Variants in DCC observed in about 807,000 individuals in gnomAD.
DCC encodes the protein DCC netrin 1 receptor, also known as netrin receptor DCC.
In DCC, 58 loss-of-function variants were observed where a neutral mutation model predicts 172.5. The ratio of observed to expected loss-of-function variants is 0.34; its 90% CI spans 0.27 to 0.42. The LOEUF (loss-of-function observed/expected upper bound fraction) is 0.42. Among genes scored for constraint, DCC ranks in the 10% least tolerant of loss-of-function variants. DCC has a pLI of 1.00. For missense variants in DCC, 1,740 were observed against 1,791.0 expected, an observed-to-expected ratio of 0.97 and a Z score of 0.51; for synonymous variants, 709 against 644.5, an observed-to-expected ratio of 1.10 and a Z score of -1.52.
intron 1 of DCC, among the ~76,000 whole-genome samples, chr18:52,607,314 G>A (rs894470783): frequency 2.0e-5 from 3 of 152,048 alleles, no homozygotes; most frequent in African/African-American, 7.2e-5. Context: ...ACTTGCAAAG[G>A]GATGAACATG....
intron 8 of DCC, among the ~76,000 whole-genome samples, chr18:53,173,911 T>C (rs1387398810): frequency 3.6e-5 from 4 of 112,444 alleles, no homozygotes; most frequent in African/African-American, 1.1e-4. Context: ...TATTCCAAAA[T>C]TGACCACATA....
chr18:52,971,669 C>T (rs2041033199), intron 5 of DCC, among the ~76,000 whole-genome samples: 1 of 152,080 alleles, frequency 6.6e-6, no homozygotes, highest in South Asian at 2.1e-4. Flanking sequence ...GTTAATTCTT[C>T]TACCTCTACC....
At chr18:52,924,121 C>T (rs1293115416) in intron 4 of DCC, among the ~76,000 whole-genome samples, 4 of 151,928 alleles carry the variant, frequency 2.6e-5, no homozygotes, top group Non-Finnish European at 5.9e-5. Context: ...ATGGTCCTGT[C>T]CAAAGAGTCT....
intron 1 of DCC, among the ~76,000 whole-genome samples, chr18:52,446,607 G>A (rs1988131705): frequency 6.6e-6 from 1 of 152,188 alleles, no homozygotes; most frequent in Non-Finnish European, 1.5e-5. Flanking sequence ...TGACATTACA[G>A]TCTACTTTGT....
In DCC at chr18:53,024,482, T is replaced by C. The variant is rs577765062; in HGVS notation, c.986-38823T>C. 3.9e-5 allele frequency among the ~76,000 whole-genome samples: 6 copies of C among 152,246 alleles called. No individual in the cohort carries two copies. In the East Asian group the frequency reaches 9.7e-4, roughly 25 times the overall value. On this transcript the variant is annotated intron_variant, in intron 5 of 28. Transcript: ENST00000442544. ...AACAGTATTCAAATGCTTTTTACTC[T>C]CATTAGCTGAGGGAAACTTCCCATG... is the stretch of plus-strand genomic sequence containing the variant.
intron 5 of DCC, among the ~76,000 whole-genome samples, chr18:52,947,163 T>C (rs1392308957): frequency 6.6e-6 from 1 of 152,128 alleles, no homozygotes; most frequent in Non-Finnish European, 1.5e-5. Context: ...TTTCTGGGAG[T>C]TTTATTAATA....
intron 5 of DCC, among the ~76,000 whole-genome samples, chr18:53,034,740 C>T (rs551072673): frequency 6.6e-6 from 1 of 151,636 alleles, no homozygotes; most frequent in Non-Finnish European, 1.5e-5. Flanking sequence ...GAATAGAGGC[C>T]AAAGCTCTGG....
intron 5 of DCC, among the ~76,000 whole-genome samples, chr18:52,955,931 T>C (rs2040735322): frequency 6.6e-6 from 1 of 152,092 alleles, no homozygotes; most frequent in South Asian, 2.1e-4. Flanking sequence ...TGTTGAGTTT[T>C]TAAAAGCTTT....
intron 6 of DCC, among the ~76,000 whole-genome samples, chr18:53,064,043 C>T (rs1436299704): frequency 6.6e-6 from 1 of 152,116 alleles, no homozygotes; most frequent in Non-Finnish European, 1.5e-5. Flanking sequence ...CCAGAGTACA[C>T]ATTGCTTTGT....
chr18:53,085,938 A>T (rs1386775676), intron 7 of DCC, among the ~76,000 whole-genome samples: 3 of 148,682 alleles, frequency 2.0e-5, no homozygotes, highest in African/African-American at 7.5e-5. Context: ...CTGTCATTTC[A>T]GCTTTGGTGG....
chr18:53,190,163 T>C (rs1402570375), intron 9 of DCC, among the ~76,000 whole-genome samples: 1 of 152,122 alleles, frequency 6.6e-6, no homozygotes, highest in African/African-American at 2.4e-5. Context: ...CGTCCTCAGG[T>C]GATCCACCCA....
chr18:52,788,411 C>T (rs534316329), intron 2 of DCC, among the ~76,000 whole-genome samples: 7 of 152,240 alleles, frequency 4.6e-5, no homozygotes, highest in African/African-American at 1.7e-4. Context: ...TGTCCCAGGC[C>T]TTACCTATCT....
chr18:52,813,492 A>G (rs948846473), intron 2 of DCC, among the ~76,000 whole-genome samples: 2 of 152,222 alleles, frequency 1.3e-5, no homozygotes, highest in African/African-American at 4.8e-5. Context: ...ATTCCACAGT[A>G]TCACATGGTA....
At chr18:53,082,810 C>T (rs1326709431) in intron 7 of DCC, among the ~76,000 whole-genome samples, 2 of 152,028 alleles carry the variant, frequency 1.3e-5, no homozygotes, top group African/African-American at 2.4e-5. Flanking sequence ...GATTAGTTAA[C>T]TAGGATTTAT....
chr18:53,150,918 C>T (rs1451405576), intron 7 of DCC, among the ~76,000 whole-genome samples: 4 of 152,174 alleles, frequency 2.6e-5, no homozygotes, highest in African/African-American at 7.2e-5. Flanking sequence ...CCTTCAGGCC[C>T]TGTCATGCTG....
chr18:53,287,962 T>C (rs1209046569), intron 12 of DCC, among the ~76,000 whole-genome samples: 1 of 152,096 alleles, frequency 6.6e-6, no homozygotes, highest in East Asian at 1.9e-4. Context: ...GTTTAGAAGA[T>C]TTATTGGTTC....
At chr18:52,920,655 T>C (rs758279499) in intron 3 of DCC, among the ~76,000 whole-genome samples, 1 of 152,186 alleles carries the variant, frequency 6.6e-6, no homozygotes, top group Non-Finnish European at 1.5e-5. Context: ...AGTTTTACCA[T>C]ACAATCTAGC....
At chr18:53,418,330 G>A (rs1045787784) in intron 21 of DCC, among the ~76,000 whole-genome samples, 4 of 152,098 alleles carry the variant, frequency 2.6e-5, no homozygotes, top group African/African-American at 7.2e-5. Context: ...TCAGTCTTCT[G>A]AGTTGATGAC....
At chr18:53,468,742 C>T (rs993040792) in intron 25 of DCC, among the ~76,000 whole-genome samples, 1 of 152,130 alleles carries the variant, frequency 6.6e-6, no homozygotes, top group African/African-American at 2.4e-5. Flanking sequence ...AATAATCTAG[C>T]TCCTTTAAAG....
Sources: allele counts gnomAD v4.1 joint callset (sites outside exome capture counted in the v4.1 genomes callset), GRCh38; gene constraint gnomAD v4.1.1; transcripts MANE v1.5; gene names NCBI Gene and HGNC (gene_info 2026-07-23, HGNC 2026-07-21).